PSG9: variants seen among roughly 807,000 people sequenced by gnomAD.
PSG9 encodes the protein pregnancy-specific beta-1-glycoprotein 9.
PSG9 carries 49 observed loss-of-function variants against 41.9 expected under a neutral mutation model. The observed-to-expected ratio is 1.17, with a 90% CI of 0.93 to 1.48. The LOEUF (loss-of-function observed/expected upper bound fraction) is 1.48, where lower values mean the gene tolerates loss of function less well. PSG9 is among the 40% of genes most tolerant of loss of function. The pLI, the probability that PSG9 is intolerant of heterozygous loss-of-function variation, is 0.00. For missense variants in PSG9, 641 were observed against 520.3 expected, an observed-to-expected ratio of 1.23 and a Z score of -2.26; for synonymous variants, 263 against 196.8, an observed-to-expected ratio of 1.34 and a Z score of -2.82.
At chr19:43,258,012 A>G (rs1968512739) in intron 5 of PSG9, 190 bp downstream of exon 5, 2 of 1,531,330 alleles carry the variant, frequency 1.3e-6, no homozygotes, top group Non-Finnish European at 8.7e-7. Flanking sequence ...AAGGTCAGCC[A>G]TAAGAAAACA....
rs1455094274 is a variant in PSG9 at position 43,268,193 on chromosome 19, T to C, written c.65-44A>G. ...ATCAGTTAATATTGAGACCTATGTA[T>C]TGTGGTGAAAAGATGGGGCCCTGGG... On this transcript the variant is annotated intron_variant, in intron 1 of 5. Transcript: ENST00000270077. 1.9e-6 allele frequency: 3 copies of C among 1,541,404 alleles called. No individual in the cohort carries two copies. In the South Asian group the frequency reaches 3.9e-5, roughly 20 times the overall value.
intron 3 of PSG9, among the ~76,000 whole-genome samples, chr19:43,261,208 A>G (rs930947231): frequency 2.6e-5 from 4 of 152,128 alleles, no homozygotes; most frequent in Non-Finnish European, 4.4e-5. Context: ...CCCACTTACC[A>G]GGGACTATGA....
In PSG9 at chr19:43,262,063, C is replaced by A; in HGVS notation, c.506G>T (p.Cys169Phe). 1 of 1,613,938 alleles carries A rather than the reference C, an allele frequency of 6.2e-7. No homozygotes were observed. Among genetic ancestry groups the A allele is most frequent in the Non-Finnish European group, 8.5e-7 (1 of 1,179,892 alleles). ...REAMEAVRLI[C>F]DPETLDASYL... ...GCTTGCGTCCAGAGTCTCAGGATCA[C>A]AGATTAAGCGCACAGCCTCCATGGC... Residue 169 changes from cysteine (C) to phenylalanine (F), a missense_variant, in exon 3 of 6, where the codon TGT becomes TTT. Coordinates refer to ENST00000270077, the MANE Select transcript of PSG9 (RefSeq NM_002784.5).
intron 5 of PSG9, among the ~76,000 whole-genome samples, chr19:43,256,671 TAAAC>T (rs1968453928): frequency 1.4e-5 from 2 of 146,614 alleles, no homozygotes; most frequent in African/African-American, 2.6e-5. Flanking sequence ...ATGGCTTTGA[TAAAC>T]AACAACAATG....
In PSG9 at chr19:43,269,443, C is replaced by A. The variant is rs369519588; in HGVS notation, c.-12G>T. ...GGGAGGGGCCCCATGGTCTCTGCTG[C>A]CTGTGTGTTCTCCTCTGTGGAGATG... is the stretch of plus-strand genomic sequence containing the variant. On this transcript the variant is annotated 5_prime_UTR_variant, in exon 1 of 6. Transcript: ENST00000270077. The A allele has an allele frequency of 6.2e-7, 1 of 1,613,424 alleles. No individual in the cohort carries two copies. The highest frequency in any genetic ancestry group is 8.5e-7 in the Non-Finnish European group (1 of 1,179,576).
At chr19:43,257,716 C>G in intron 5 of PSG9, 1 of 1,148,500 alleles carries the variant, frequency 8.7e-7, no homozygotes, top group Non-Finnish European at 1.1e-6. Flanking sequence ...CAGAGGAGCC[C>G]GGAGCAGAGC....
At position 43,267,944 on chromosome 19, in the gene PSG9, T is replaced by C. The variant is rs1437998149; in HGVS notation, c.270A>G (p.Ile90Met). The C allele has an allele frequency of 1.9e-6, 3 of 1,613,656 alleles. No homozygotes were observed. Among genetic ancestry groups the C allele is most frequent in the South Asian group, 1.1e-5 (1 of 91,068 alleles). Residue 90 changes from isoleucine to methionine, a missense_variant, in exon 2 of 6, where the codon ATA becomes ATG. Physicochemically the swap from Ile to Met is conservative, Grantham distance 10 (BLOSUM62 1). Coordinates refer to ENST00000270077, the MANE Select transcript of PSG9 (RefSeq NM_002784.5). Reference protein sequence around the residue: ...ISYIVDGKIIIYGPAYSGRET... With the variant: ...ISYIVDGKIIMYGPAYSGRET... Reference sequence around the variant, plus strand: ...CTCTTCCACTGTATGCAGGCCCATATATAATTATTTTACCATCAACTATAT... The same window carrying C: ...CTCTTCCACTGTATGCAGGCCCATACATAATTATTTTACCATCAACTATAT...
intron 2 of PSG9, among the ~76,000 whole-genome samples, chr19:43,263,727 T>C (rs1968836837): frequency 6.6e-6 from 1 of 152,094 alleles, no homozygotes; most frequent in Non-Finnish European, 1.5e-5. Flanking sequence ...AGGTGTGCCG[T>C]GAATTCCAGC....
intron 3 of PSG9, chr19:43,260,082 A>G (rs1316139751): frequency 1.4e-5 from 2 of 146,460 alleles, no homozygotes; most frequent in Non-Finnish European, 3.0e-5. Flanking sequence ...TTCATTGGAC[A>G]TTCTACTCTC....
intron 3 of PSG9, chr19:43,259,792 T>C (rs1968623485): frequency 6.7e-6 from 1 of 148,548 alleles, no homozygotes; most frequent in Non-Finnish European, 1.5e-5. Context: ...TAGAGCAGAG[T>C]GCAAGGAATG....
rs1200051546 is a variant in PSG9, at chr19:43,260,345, T to G, written c.710-1210A>C. 3.4e-5 allele frequency: 5 copies of G among 146,836 alleles called. 1 individual carries two copies. Among genetic ancestry groups the G allele is most frequent in the African/African-American group, 1.3e-4 (5 of 38,684 alleles). The allele number at this position is 146,836 out of a possible 1,614,324, so 9.1% of individuals were successfully genotyped here. On this transcript the variant is annotated intron_variant, in intron 3 of 5. Transcript: ENST00000270077. The stretch of plus-strand genomic sequence containing the variant: ...AAAAGTGTTTTGGATTTCTGACATT[T>G]TTTTATTCTGAAATATTTGTCATAT...
Position 43,267,880 on chromosome 19 carries a change from C to T in PSG9, c.334G>A (p.Val112Ile), listed in dbSNP as rs768808233. The T allele has an allele frequency of 4.3e-6, 7 of 1,613,832 alleles. 1 individual carries two copies. In the Admixed American group the frequency reaches 8.3e-5, roughly 19 times the overall value. Residue 112 changes from valine to isoleucine, a missense_variant, in exon 2 of 6, where the codon GTC (valine) becomes ATC (isoleucine). By Grantham distance (29) the Val-to-Ile change is conservative (BLOSUM62 3). Transcript: ENST00000270077. ...YSNASLLIQN[V>I]TRKDAGTYTL... ...TAGGTTCCTGCATCCTTCCGGGTGA[C>T]ATTCTGGATCAGCAGGGATGCGTTG...
intron 5 of PSG9, among the ~76,000 whole-genome samples, chr19:43,255,526 T>G (rs1375272322): frequency 6.8e-6 from 1 of 146,326 alleles, no homozygotes; most frequent in African/African-American, 2.6e-5. Context: ...TAGGCAAGAA[T>G]TGAAAAAAAG....
chr19:43,253,531 T>C lies in PSG9; in HGVS notation c.*78A>G, dbSNP rs1968342122. 4 of 617,160 alleles carry C rather than the reference T, an allele frequency of 6.5e-6. No homozygotes were observed. Among genetic ancestry groups the C allele is most frequent in the Admixed American group, 2.7e-5 (1 of 36,890 alleles). 38.2% of individuals were successfully genotyped at this position (617,160 alleles called of 1,614,324 possible). Reference sequence around the variant, plus strand: ...CTTTTGATTATTTAGTCCAATAACATTGAGTTTTTTTCTTCTTTGTCTTGA... The same window carrying C: ...CTTTTGATTATTTAGTCCAATAACACTGAGTTTTTTTCTTCTTTGTCTTGA... On this transcript the variant is annotated 3_prime_UTR_variant, in exon 6 of 6. Coordinates refer to ENST00000270077, the MANE Select transcript of PSG9 (RefSeq NM_002784.5).
rs1968338918 is a variant in PSG9, at chr19:43,253,416, A to G, written c.*193T>C. 2 of 422,780 alleles carry G rather than the reference A, an allele frequency of 4.7e-6. No individual in the cohort carries two copies. Among genetic ancestry groups the G allele is most frequent in the Non-Finnish European group, 4.1e-6 (1 of 241,666 alleles). 26.2% of individuals were successfully genotyped at this position (422,780 alleles called of 1,614,324 possible). A position where few individuals can be genotyped will look rare whatever the true frequency, so the allele number is the denominator to read the frequency against. On this transcript the variant is annotated 3_prime_UTR_variant, in exon 6 of 6. Transcript: ENST00000270077. ...TTGTTTACAAAAGTATACTTTACCA[A>G]TTGCTGAAGAAAAAAAGTTCATAAA...
chr19:43,268,241 C>G (rs1367247096), intron 1 of PSG9, 92 bp from the exon 2 acceptor site: 2 of 1,447,670 alleles, frequency 1.4e-6, no homozygotes, highest in Non-Finnish European at 1.9e-6. Context: ...CTCTTCCATC[C>G]TCAGCCTTGA....
chr19:43,267,101 G>A (rs1257343219), intron 2 of PSG9, among the ~76,000 whole-genome samples: 1 of 152,150 alleles, frequency 6.6e-6, no homozygotes, highest in East Asian at 1.9e-4. Flanking sequence ...TCTGCTTCTG[G>A]GGACATTAGA....
chr19:43,257,209 G>C (rs1409223725), intron 5 of PSG9: 1 of 257,660 alleles, frequency 3.9e-6, no homozygotes, highest in African/African-American at 2.5e-5. Context: ...GAAGGAGTGA[G>C]AGTTACTGTT....
At chr19:43,267,082 C>T (rs1472628678) in intron 2 of PSG9, among the ~76,000 whole-genome samples, 2 of 152,100 alleles carry the variant, frequency 1.3e-5, no homozygotes, top group Non-Finnish European at 2.9e-5. Flanking sequence ...ACATCTTCTC[C>T]CTTCTGTTTC....
Sources: gnomAD v4.1 joint callset for allele counts (sites outside exome capture counted in the v4.1 genomes callset) on GRCh38, gnomAD v4.1.1 for gene constraint, MANE v1.5 for transcripts, NCBI Gene and HGNC (gene_info 2026-07-23, HGNC 2026-07-21) for gene names.